Variants in TRPC5 observed in about 807,000 individuals in gnomAD.
TRPC5 encodes the protein short transient receptor potential channel 5.
A neutral mutation model predicts 56.5 loss-of-function variants in TRPC5; 9 were observed. The ratio of observed to expected loss-of-function variants is 0.16; its 90% CI spans 0.10 to 0.28. The LOEUF (loss-of-function observed/expected upper bound fraction) is 0.28. Ranked by LOEUF, TRPC5 falls within the 10% of genes least tolerant of loss-of-function variation. The pLI is 1.00. For missense variants in TRPC5, 469 were observed against 748.9 expected (o/e 0.63, Z 4.36); for synonymous variants, 282 against 278.5 (o/e 1.01, Z -0.13).
Position 111,796,834 on chromosome X carries a change from C to G in TRPC5, c.1897-14696G>C, listed in dbSNP as rs937619372. 2.7e-5 allele frequency among the ~76,000 whole-genome samples: 3 copies of G among 111,642 alleles called. No individual in the cohort carries two copies. In the Admixed American group the frequency reaches 2.9e-4, roughly 11 times the overall value. On this transcript the variant is annotated intron_variant, in intron 7 of 10. Transcript: ENST00000262839. ...CATGGCCTTCTAGATCCCTAGAACTCTGTTGGAGGTTTTCAAAGCCCCCTA... is the reference window on the plus strand; with the variant it reads ...CATGGCCTTCTAGATCCCTAGAACTGTGTTGGAGGTTTTCAAAGCCCCCTA...
chrX:111,770,579 C>A lies in TRPC5; in HGVS notation c.*5734G>T, dbSNP rs182483859. Among the ~76,000 whole-genome samples the A allele has an allele frequency of 9.0e-6, 1 of 111,543 alleles. No homozygotes were observed. The highest frequency in any genetic ancestry group is 3.3e-5 in the African/African-American group (1 of 30,698). On this transcript the variant is annotated 3_prime_UTR_variant, in exon 11 of 11. Coordinates refer to ENST00000262839, the MANE Select transcript of TRPC5 (RefSeq NM_012471.3). ...AACTGACAATTTGGTGGTTTAGCCCCGTGTTTTAAAGTGTATATCCTCACT... is the reference window on the plus strand; with the variant it reads ...AACTGACAATTTGGTGGTTTAGCCCAGTGTTTTAAAGTGTATATCCTCACT...
chrX:112,031,700 TATAG>T (rs1199943594), intron 1 of TRPC5, among the ~76,000 whole-genome samples: 2 of 109,421 alleles, frequency 1.8e-5, no homozygotes, highest in South Asian at 3.8e-4. Flanking sequence ...TATATATATC[TATAG>T]ATATAGATAA....
intron 3 of TRPC5, chrX:111,896,310 T>TCTGAAATGTTGG (rs1925057028): frequency 9.1e-6 from 1 of 110,073 alleles, no homozygotes; most frequent in African/African-American, 3.4e-5. Context: ...GAAAGGGCTC[T>TCTGAAATGTTGG]TTAATCTCGT....
chrX:111,804,742 G>A (rs1921440814), intron 7 of TRPC5, among the ~76,000 whole-genome samples: 1 of 111,743 alleles, frequency 8.9e-6, no homozygotes, highest in South Asian at 3.8e-4. Flanking sequence ...TCAGCTTAAG[G>A]AGATTTTGGG....
intron 3 of TRPC5, among the ~76,000 whole-genome samples, chrX:111,871,518 G>A (rs192914079): frequency 1.8e-3 from 202 of 110,559 alleles, no homozygotes; most frequent in African/African-American, 6.3e-3. Flanking sequence ...TTTCCTCATC[G>A]GCAAAATGAG....
At chrX:111,809,057 C>T (rs1016188617) in intron 7 of TRPC5, among the ~76,000 whole-genome samples, 3 of 109,640 alleles carry the variant, frequency 2.7e-5, no homozygotes, top group Non-Finnish European at 5.7e-5. Flanking sequence ...TCTTCCCTCT[C>T]TGCTCCTCAA....
At chrX:111,854,216 A>T in intron 3 of TRPC5, 110 bp from the exon 4 acceptor site, 1 of 829,542 alleles carries the variant, frequency 1.2e-6, no homozygotes, top group Non-Finnish European at 1.7e-6. Flanking sequence ...TACATGGCCA[A>T]TCCCCAGAAG....
chrX:111,777,902 T>C (rs2148547450), intron 10 of TRPC5, among the ~76,000 whole-genome samples: 1 of 112,891 alleles, frequency 8.9e-6, no homozygotes, highest in Non-Finnish European at 1.9e-5. Flanking sequence ...GTCCTGTGTT[T>C]AACCTGTCAG....
At chrX:111,942,619 G>A (rs1345986230) in intron 2 of TRPC5, among the ~76,000 whole-genome samples, 3 of 112,001 alleles carry the variant, frequency 2.7e-5, no homozygotes, top group Admixed American at 9.4e-5. Flanking sequence ...TATGTTTACT[G>A]AAAGTTAGCA....
At chrX:112,023,248 T>TG in intron 1 of TRPC5, among the ~76,000 whole-genome samples, 1 of 79,390 alleles carries the variant, frequency 1.3e-5, no homozygotes, top group African/African-American at 5.7e-5. Context: ...TTTTTTTTGT[T>TG]TTTTTTTTTT....
intron 1 of TRPC5, among the ~76,000 whole-genome samples, chrX:111,988,309 G>C (rs941602417): frequency 1.3e-4 from 14 of 110,750 alleles, no homozygotes; most frequent in African/African-American, 4.7e-4. Context: ...TATCAATTAG[G>C]TGCCATATGC....
intron 1 of TRPC5, among the ~76,000 whole-genome samples, chrX:111,963,825 C>A (rs1443524786): frequency 1.8e-5 from 2 of 111,333 alleles, no homozygotes; most frequent in Admixed American, 9.6e-5. Context: ...CACATCTATA[C>A]GTCAACATCA....
At chrX:111,943,116 G>T (rs997965488) in intron 2 of TRPC5, among the ~76,000 whole-genome samples, 7 of 111,347 alleles carry the variant, frequency 6.3e-5, no homozygotes, top group Admixed American at 4.8e-4. Context: ...CTATGAAATA[G>T]ACTTCATTAT....
At chrX:112,007,745 C>A (rs1008323157) in intron 1 of TRPC5, among the ~76,000 whole-genome samples, 3 of 111,737 alleles carry the variant, frequency 2.7e-5, no homozygotes, top group Non-Finnish European at 3.8e-5. Context: ...GGCTCCAAAG[C>A]AGATGCCCTT....
In TRPC5 at chrX:111,853,800, C is replaced by T. The variant is rs1276739123; in HGVS notation, c.1207G>A (p.Val403Met). 1.7e-6 allele frequency: 2 copies of T among 1,211,717 alleles called. No individual in the cohort carries two copies. The highest frequency in any genetic ancestry group is 2.2e-6 in the Non-Finnish European group (2 of 895,476). Residue 403 changes from valine to methionine, a missense_variant, in exon 4 of 11, where the codon GTG (valine) becomes ATG (methionine). By Grantham distance (21) the Val-to-Met change is conservative. Coordinates refer to ENST00000262839, the MANE Select transcript of TRPC5 (RefSeq NM_012471.3). ...ACCCAAGGCAATATCATCCATTCCACGACAGTTGGGGGAGGCCCCTGTACA... is the reference window on the plus strand; with the variant it reads ...ACCCAAGGCAATATCATCCATTCCATGACAGTTGGGGGAGGCCCCTGTACA... ...LHVQGPPPTV[V>M]EWMILPWVLG...
intron 6 of TRPC5, among the ~76,000 whole-genome samples, chrX:111,841,267 G>A (rs1483176895): frequency 8.9e-6 from 1 of 111,941 alleles, no homozygotes; most frequent in Non-Finnish European, 1.9e-5. Flanking sequence ...GTCCTTTTTC[G>A]CTTTTCGTGT....
At chrX:111,932,984 G>A (rs148420237) in intron 2 of TRPC5, among the ~76,000 whole-genome samples, 32 of 112,027 alleles carry the variant, frequency 2.9e-4, no homozygotes, top group East Asian at 2.3e-3. Context: ...TCTGACCAGC[G>A]TGCCATCTTC....
intron 1 of TRPC5, among the ~76,000 whole-genome samples, chrX:112,065,434 T>C (rs1287719000): frequency 8.9e-6 from 1 of 112,266 alleles, no homozygotes; most frequent in Admixed American, 9.4e-5. Flanking sequence ...CACCAAGAGC[T>C]ATCAATACAG....
chrX:111,911,633 A>T (rs922852307), intron 3 of TRPC5, among the ~76,000 whole-genome samples: 3 of 112,411 alleles, frequency 2.7e-5, no homozygotes, highest in Non-Finnish European at 5.6e-5. Context: ...CTCACCTGTG[A>T]CCTGCTTGAA....
Sources: gnomAD v4.1 joint callset for allele counts (sites outside exome capture counted in the v4.1 genomes callset) on GRCh38, gnomAD v4.1.1 for gene constraint, MANE v1.5 for transcripts, NCBI Gene and HGNC (gene_info 2026-07-23, HGNC 2026-07-21) for gene names.